Variants in STON2 observed in about 807,000 individuals in gnomAD.
The protein encoded by STON2 is stonin 2.
In STON2, 29 loss-of-function variants were observed where a neutral mutation model predicts 65.7. That is an observed-to-expected ratio of 0.44 (90% CI 0.33 to 0.60). The LOEUF (loss-of-function observed/expected upper bound fraction) is 0.60. Among genes scored for constraint, STON2 ranks in the 20% least tolerant of loss-of-function variants. The pLI, the probability that STON2 is intolerant of heterozygous loss-of-function variation, is 0.03. For missense variants in STON2, 1,054 were observed against 1,118.1 expected, an observed-to-expected ratio of 0.94 and a Z score of 0.82; for synonymous variants, 404 against 414.2, an observed-to-expected ratio of 0.98 and a Z score of 0.30.
At chr14:81,418,064 G>C (rs562851977) in intron 2 of STON2, 62 of 152,364 alleles carry the variant, frequency 4.1e-4, no homozygotes, top group African/African-American at 1.5e-3. Flanking sequence ...CTAGTGTTCA[G>C]AGCCATTACA....
rs146375710 is a variant in STON2, at chr14:81,435,328, C to T, written c.-310+993G>A. Among the ~76,000 whole-genome samples the T allele has an allele frequency of 5.5e-4, 84 of 152,214 alleles. 2 individuals carry two copies. The South Asian group carries it at 0.011, about 20-fold the overall frequency. ...CAAATGGTTGCTAGGCCAGTTTGGA[C>T]ACGTCTGATTTACTCTTTAAAAGCC... On this transcript the variant is annotated intron_variant, in intron 1 of 8. Coordinates refer to the STON2 transcript ENST00000553821.
At chr14:81,405,460 G>GTTTTTTTTTTTTT (rs376505307) in intron 2 of STON2, among the ~76,000 whole-genome samples, 11 of 63,316 alleles carry the variant, frequency 1.7e-4, no homozygotes, top group African/African-American at 5.1e-4. Context: ...AGTTACTATT[G>GTTTTTTTTTTTTT]TTTTTTTTTT....
rs1252312156 is a variant in STON2, at chr14:81,276,911, G to A, written c.2571C>T (p.Asp857=). 2 of 1,606,260 alleles carry A rather than the reference G, an allele frequency of 1.2e-6. No individual in the cohort carries two copies. Among genetic ancestry groups the A allele is most frequent in the Non-Finnish European group, 1.7e-6 (2 of 1,174,550 alleles). ...GGAACCACCACCCACCTGAGTTTTT[G>A]TCCGGCAGTCGGTTTATCCTCCACA... is the stretch of plus-strand genomic sequence containing the variant. ...SIVWRINRLP[D]KNSASGHPHC... The change falls in exon 6 of 8, where the codon GAC becomes GAT. Residue 857 remains aspartate (D), a synonymous_variant. Coordinates refer to ENST00000614646, the MANE Select transcript of STON2 (RefSeq NM_001394390.1).
At chr14:81,357,593 A>G (rs1157500140) in intron 4 of STON2, among the ~76,000 whole-genome samples, 7 of 152,030 alleles carry the variant, frequency 4.6e-5, no homozygotes, top group Admixed American at 6.6e-5. Context: ...ATAAAGACAC[A>G]TGCACACGTA....
chr14:81,333,039 T>C, intron 4 of STON2: 1 of 622,624 alleles, frequency 1.6e-6, no homozygotes, highest in South Asian at 1.8e-5. Flanking sequence ...GTCCCTCTTG[T>C]TGCTTTCTTG....
chr14:81,368,328 G>A (rs9323700), intron 4 of STON2, among the ~76,000 whole-genome samples: 76,123 of 151,976 alleles, frequency 0.5, 19,547 homozygotes, highest in East Asian at 0.73. Flanking sequence ...CACCTGCCTT[G>A]CAGGATTGCT....
rs1191103656 is a variant in STON2, at chr14:81,277,002, C to T, written c.2480G>A (p.Gly827Asp). 6.2e-7 allele frequency: 1 copy of T among 1,614,212 alleles called. No individual in the cohort carries two copies. Among genetic ancestry groups the T allele is most frequent in the South Asian group, 1.1e-5 (1 of 91,078 alleles). The change falls in exon 6 of 8, where the codon GGC becomes GAC. Residue 827 changes from glycine to aspartate, a missense_variant. Gly to Asp is a moderately conservative substitution (Grantham distance 94). Coordinates refer to ENST00000614646, the MANE Select transcript of STON2 (RefSeq NM_001394390.1). ...GASFGSTSVS[G>D]SEPVMRVTLG... ...AGTTACTCTCATGACAGGCTCAGAG[C>T]CAGAAACACTAGTGGAGCCAAAACT...
At chr14:81,343,133 G>A (rs1029940878) in intron 4 of STON2, among the ~76,000 whole-genome samples, 5 of 152,150 alleles carry the variant, frequency 3.3e-5, no homozygotes, top group Admixed American at 6.5e-5. Context: ...GCTCACAACT[G>A]GTAGCATTCT....
At chr14:81,366,671 T>A (rs906895692) in intron 4 of STON2, among the ~76,000 whole-genome samples, 22 of 152,034 alleles carry the variant, frequency 1.4e-4, no homozygotes, top group African/African-American at 5.3e-4. Flanking sequence ...TGCATCTCTG[T>A]ATTTACTGCT....
At chr14:81,388,218 G>A (rs1899915180) in intron 3 of STON2, among the ~76,000 whole-genome samples, 1 of 151,892 alleles carries the variant, frequency 6.6e-6, no homozygotes, top group African/African-American at 2.4e-5. Context: ...AAAGTGCTGG[G>A]ATTACAGGCG....
At chr14:81,396,527 GA>G (rs1171203057) in intron 2 of STON2, among the ~76,000 whole-genome samples, 3 of 152,330 alleles carry the variant, frequency 2.0e-5, no homozygotes, top group African/African-American at 7.2e-5. Flanking sequence ...TGAGACAAGT[GA>G]AAGGCAAAAG....
Position 81,268,010 on chromosome 14 carries a change from T to A in STON2, c.*404A>T. 2 of 987,102 alleles carry A rather than the reference T, an allele frequency of 2.0e-6. No homozygotes were observed. Among genetic ancestry groups the A allele is most frequent in the Non-Finnish European group, 2.4e-6 (2 of 831,116 alleles). The allele number at this position is 987,102 out of a possible 1,614,324, so 61.1% of individuals were successfully genotyped here. A position where few individuals can be genotyped will look rare whatever the true frequency, so the allele number is the denominator to read the frequency against. On this transcript the variant is annotated 3_prime_UTR_variant, in exon 8 of 8. Coordinates refer to ENST00000614646, the MANE Select transcript of STON2 (RefSeq NM_001394390.1). ...TCTCAAGACTGCCTTTGCCAGAAAG[T>A]TATGCGAGTGACAGATGAACATCAG...
intron 3 of STON2, among the ~76,000 whole-genome samples, chr14:81,386,884 TGTAC>T (rs112680702): frequency 8.4e-4 from 128 of 152,282 alleles, no homozygotes; most frequent in Admixed American, 2.2e-3. Flanking sequence ...ACTTGTAAAA[TGTAC>T]GTACTTAAAA....
At chr14:81,274,702 G>A (rs987144299) in intron 6 of STON2, among the ~76,000 whole-genome samples, 1 of 151,976 alleles carries the variant, frequency 6.6e-6, no homozygotes. Flanking sequence ...TCGGGAGTAC[G>A]AGGCAGGCGG....
chr14:81,305,845 G>A (rs1425945265), intron 5 of STON2, among the ~76,000 whole-genome samples: 1 of 151,896 alleles, frequency 6.6e-6, no homozygotes, highest in Non-Finnish European at 1.5e-5. Context: ...CCCTGATGTA[G>A]TCACATGCTA....
intron 3 of STON2, among the ~76,000 whole-genome samples, chr14:81,378,130 G>A (rs1321295287): frequency 6.6e-6 from 1 of 152,044 alleles, no homozygotes; most frequent in Non-Finnish European, 1.5e-5. Flanking sequence ...ACAGGCATGA[G>A]CCACCACACC....
At chr14:81,340,897 C>A (rs544896112) in intron 4 of STON2, among the ~76,000 whole-genome samples, 1 of 151,190 alleles carries the variant, frequency 6.6e-6, no homozygotes, top group Non-Finnish European at 1.5e-5. Context: ...AACATCTAAT[C>A]ACTAGTGGAA....
chr14:81,366,778 A>G (rs1259143563), intron 4 of STON2, among the ~76,000 whole-genome samples: 1 of 152,116 alleles, frequency 6.6e-6, no homozygotes, highest in African/African-American at 2.4e-5. Context: ...GTCGACAGTA[A>G]TTATCCTTAT....
chr14:81,364,910 A>G (rs1364394673), intron 4 of STON2, among the ~76,000 whole-genome samples: 1 of 152,130 alleles, frequency 6.6e-6, no homozygotes, highest in African/African-American at 2.4e-5. Context: ...ACAGCCTGAG[A>G]AGGACCCTGT....
Sources: allele counts gnomAD v4.1 joint callset (sites outside exome capture counted in the v4.1 genomes callset), GRCh38; gene constraint gnomAD v4.1.1; transcripts MANE v1.5; gene names NCBI Gene and HGNC (gene_info 2026-07-23, HGNC 2026-07-21).